Variants in LIN28B observed in about 807,000 individuals in gnomAD.
The protein encoded by LIN28B is protein lin-28 homolog B.
A neutral mutation model predicts 21.9 loss-of-function variants in LIN28B; 5 were observed. The observed-to-expected ratio is 0.23, with a 90% CI of 0.12 to 0.48. The LOEUF is 0.48. Ranked by LOEUF, LIN28B falls within the 20% of genes least tolerant of loss-of-function variation. The pLI is 0.98. For missense variants in LIN28B, 245 were observed against 310.5 expected (o/e 0.79, Z 1.58); for synonymous variants, 109 against 111.3 (o/e 0.98, Z 0.13).
chr6:104,975,930 C>T (rs564622895), intron 2 of LIN28B, among the ~76,000 whole-genome samples: 2 of 151,328 alleles, frequency 1.3e-5, no homozygotes, highest in African/African-American at 4.9e-5. Flanking sequence ...GATTACCCCA[C>T]CTTGGCCTCC....
intron 2 of LIN28B, among the ~76,000 whole-genome samples, chr6:104,964,833 C>A (rs1196627703): frequency 6.6e-6 from 1 of 152,118 alleles, no homozygotes; most frequent in African/African-American, 2.4e-5. Flanking sequence ...ATTGCTTCTT[C>A]TTTTCCAATA....
intron 3 of LIN28B, among the ~76,000 whole-genome samples, chr6:105,033,568 C>T (rs1338384410): frequency 1.3e-5 from 2 of 151,920 alleles, no homozygotes; most frequent in Non-Finnish European, 2.9e-5. Flanking sequence ...TATTTTAAAT[C>T]CTCCACATTT....
At chr6:104,954,907 T>C (rs1290003431), upstream of LIN28B, among the ~76,000 whole-genome samples, 2 of 152,210 alleles carry the variant, frequency 1.3e-5, no homozygotes, top group African/African-American at 4.8e-5. Flanking sequence ...TCTGGTTTTA[T>C]AATGATTAAA....
chr6:105,061,065 A>G (rs944234409), intron 3 of LIN28B, among the ~76,000 whole-genome samples: 2 of 152,230 alleles, frequency 1.3e-5, no homozygotes, highest in African/African-American at 4.8e-5. Flanking sequence ...ATGAAAGAAC[A>G]GTCCCTAGAA....
At chr6:105,007,231 A>G (rs567962219) in intron 2 of LIN28B, among the ~76,000 whole-genome samples, 1 of 152,344 alleles carries the variant, frequency 6.6e-6, no homozygotes, top group African/African-American at 2.4e-5. Context: ...TAAATAATTT[A>G]GAGTCAAAAT....
chr6:104,959,660 C>T (rs1053233724), intron 2 of LIN28B, among the ~76,000 whole-genome samples: 2 of 152,224 alleles, frequency 1.3e-5, no homozygotes, highest in Non-Finnish European at 2.9e-5. Context: ...AGTCCACATA[C>T]AGACTACTGG....
upstream of LIN28B, among the ~76,000 whole-genome samples, chr6:104,953,115 C>T (rs1778239730): frequency 6.6e-6 from 1 of 152,220 alleles, no homozygotes; most frequent in Non-Finnish European, 1.5e-5. Context: ...ACGGGCGGGT[C>T]GGCGGCTTTC....
chr6:104,988,738 G>A (rs1025839950), intron 2 of LIN28B, among the ~76,000 whole-genome samples: 2 of 151,868 alleles, frequency 1.3e-5, no homozygotes, highest in African/African-American at 4.8e-5. Context: ...CACCATGTCC[G>A]GCTAATTTTT....
chr6:105,011,115 C>A (rs1770914172), intron 2 of LIN28B, among the ~76,000 whole-genome samples: 2 of 152,142 alleles, frequency 1.3e-5, no homozygotes. Flanking sequence ...TGCTAATAGC[C>A]TTGGAACATA....
At chr6:104,963,111 G>T (rs530142586) in intron 2 of LIN28B, among the ~76,000 whole-genome samples, 1 of 152,038 alleles carries the variant, frequency 6.6e-6, no homozygotes, top group East Asian at 1.9e-4. Flanking sequence ...GCAGTGGCGC[G>T]ATCTCTGCTC....
chr6:105,043,453 ATGTT>A (rs1469087285), intron 3 of LIN28B, among the ~76,000 whole-genome samples: 4 of 150,268 alleles, frequency 2.7e-5, no homozygotes, highest in Non-Finnish European at 5.9e-5. Flanking sequence ...ACCCTGGGAT[ATGTT>A]TGTTTGTGTA....
chr6:104,951,890 A>T (rs1778225090), intron 3 of LIN28B, among the ~76,000 whole-genome samples: 2 of 152,196 alleles, frequency 1.3e-5, no homozygotes, highest in South Asian at 4.2e-4. Context: ...TCTGGCCTCC[A>T]TTTTCTAGCT....
intron 2 of LIN28B, among the ~76,000 whole-genome samples, chr6:104,960,027 C>T (rs537040533): frequency 1.4e-3 from 208 of 152,092 alleles, no homozygotes; most frequent in Admixed American, 1.9e-3. Context: ...ATAAACATTC[C>T]TCTATTCACT....
At chr6:105,005,188 G>A (rs1203054812) in intron 2 of LIN28B, among the ~76,000 whole-genome samples, 3 of 152,064 alleles carry the variant, frequency 2.0e-5, no homozygotes, top group African/African-American at 7.2e-5. Flanking sequence ...GAACTCAGGT[G>A]CCCTTCTGAT....
intron 2 of LIN28B, among the ~76,000 whole-genome samples, chr6:104,978,258 A>G (rs889528399): frequency 6.6e-5 from 10 of 152,152 alleles, no homozygotes; most frequent in Non-Finnish European, 1.5e-4. Context: ...ATTGGAGGGG[A>G]AGGATCTATC....
intron 2 of LIN28B, among the ~76,000 whole-genome samples, chr6:104,991,311 G>C (rs1404805486): frequency 1.3e-5 from 2 of 151,350 alleles, no homozygotes; most frequent in African/African-American, 4.9e-5. Context: ...CGGCTGCCGC[G>C]CGGAGGGGCT....
intron 2 of LIN28B, chr6:104,950,396 A>T: frequency 1.2e-6 from 1 of 839,618 alleles, no homozygotes; most frequent in Non-Finnish European, 1.6e-6. Flanking sequence ...AATGGCCATT[A>T]GGATGAAGAA....
At chr6:105,005,868 A>C (rs1246815113) in intron 2 of LIN28B, among the ~76,000 whole-genome samples, 2 of 152,072 alleles carry the variant, frequency 1.3e-5, no homozygotes, top group African/African-American at 2.4e-5. Flanking sequence ...ATTTTCTAAC[A>C]CTTGTGTTGA....
intron 2 of LIN28B, among the ~76,000 whole-genome samples, chr6:104,943,599 A>T (rs1034130975): frequency 1.3e-5 from 2 of 152,172 alleles, no homozygotes; most frequent in African/African-American, 4.8e-5. Flanking sequence ...TGATTATGAA[A>T]GTGGCGTTAC....
Sources: allele counts gnomAD v4.1 joint callset (sites outside exome capture counted in the v4.1 genomes callset), GRCh38; gene constraint gnomAD v4.1.1; transcripts MANE v1.5; gene names NCBI Gene and HGNC (gene_info 2026-07-23, HGNC 2026-07-21).